The following PACRG variants were observed in gnomAD, a reference collection of about 807,000 sequenced individuals.
PACRG encodes parkin coregulated gene protein.
Under a neutral mutation model 29.7 loss-of-function variants are expected in PACRG, and 29 were observed. The observed-to-expected ratio is 0.98, with a 90% CI of 0.73 to 1.33. The LOEUF is 1.33. Ranked by LOEUF, PACRG falls within the 40% of genes most tolerant of loss-of-function variation. PACRG has a pLI of 0.00. For missense variants in PACRG, 279 were observed against 316.2 expected (o/e 0.88, Z 0.89); for synonymous variants, 116 against 118.7 (o/e 0.98, Z 0.15).
intron 4 of PACRG, among the ~76,000 whole-genome samples, chr6:163,119,619 T>C (rs1052205680): frequency 6.6e-6 from 1 of 152,232 alleles, no homozygotes; most frequent in Admixed American, 6.5e-5. Context: ...TTCATAAATC[T>C]GACCAGATAT....
chr6:162,898,483 T>TA (rs1349325277), intron 2 of PACRG, among the ~76,000 whole-genome samples: 1 of 152,224 alleles, frequency 6.6e-6, no homozygotes, highest in Non-Finnish European at 1.5e-5. Context: ...TAAATACATA[T>TA]AGCCTTTCAG....
chr6:162,919,824 A>G (rs983742328), intron 2 of PACRG, among the ~76,000 whole-genome samples: 11 of 152,220 alleles, frequency 7.2e-5, no homozygotes, highest in African/African-American at 2.7e-4. Context: ...TAAAATGTAA[A>G]ATGTGTTACA....
chr6:162,911,975 C>T (rs1023225367), intron 2 of PACRG, among the ~76,000 whole-genome samples: 1 of 152,204 alleles, frequency 6.6e-6, no homozygotes, highest in African/African-American at 2.4e-5. Context: ...TCTCTCCTCT[C>T]TACTTCCGCT....
At chr6:162,772,426 A>G (rs1783295129) in intron 1 of PACRG, among the ~76,000 whole-genome samples, 1 of 152,238 alleles carries the variant, frequency 6.6e-6, no homozygotes, top group African/African-American at 2.4e-5. Context: ...CAAAGCAAAC[A>G]AAAGTTTTAA....
intron 4 of PACRG, among the ~76,000 whole-genome samples, chr6:163,204,483 A>T (rs1373632318): frequency 6.6e-6 from 1 of 152,188 alleles, no homozygotes; most frequent in Non-Finnish European, 1.5e-5. Flanking sequence ...CCCATCTGTT[A>T]TCCTTGTCCT....
intron 4 of PACRG, among the ~76,000 whole-genome samples, chr6:163,234,222 C>G (rs1017307545): frequency 4.6e-5 from 6 of 130,632 alleles, no homozygotes; most frequent in African/African-American, 1.9e-4. Flanking sequence ...ATTTGATCTG[C>G]AATGTTTGAA....
chr6:163,236,019 A>G (rs1444860768), intron 4 of PACRG, among the ~76,000 whole-genome samples: 1 of 152,126 alleles, frequency 6.6e-6, no homozygotes, highest in Non-Finnish European at 1.5e-5. Flanking sequence ...TACTTGTTAT[A>G]TGACTGATCT....
intron 2 of PACRG, among the ~76,000 whole-genome samples, chr6:162,891,708 C>A (rs1172833913): frequency 6.6e-6 from 1 of 152,088 alleles, no homozygotes; most frequent in Non-Finnish European, 1.5e-5. Flanking sequence ...AGATAAAAGG[C>A]ACCTCTTTGG....
rs1473281663 is a variant in PACRG, at chr6:162,967,095, G to GT, written c.292-95051dup. Reference sequence around the variant, plus strand: ...TATTACACGTTTTATCATACTAAGTGTTTTAAACTGATAATGCTCAAAAGT... The same window carrying GT: ...TATTACACGTTTTATCATACTAAGTGTTTTTAAACTGATAATGCTCAAAAGT... On this transcript the variant is annotated intron_variant, in intron 2 of 4. Transcript: ENST00000366888. Among the ~76,000 whole-genome samples the GT allele has an allele frequency of 2.1e-5, 3 of 144,690 alleles. No homozygotes were observed. In the East Asian group the frequency reaches 6.4e-4, roughly 31 times the overall value. 94.9% of individuals were successfully genotyped at this position (144,690 alleles called of 152,430 possible). A position where few individuals can be genotyped will look rare whatever the true frequency, so the allele number is the denominator to read the frequency against.
chr6:163,120,310 T>C (rs1373351836), intron 4 of PACRG, among the ~76,000 whole-genome samples: 1 of 152,192 alleles, frequency 6.6e-6, no homozygotes, highest in Non-Finnish European at 1.5e-5. Context: ...GGATCTCCCT[T>C]GTTTCCACTG....
chr6:163,149,554 G>C (rs1203040414), intron 4 of PACRG, among the ~76,000 whole-genome samples: 1 of 152,100 alleles, frequency 6.6e-6, no homozygotes, highest in Non-Finnish European at 1.5e-5. Context: ...CGCGTCTCCA[G>C]ACTCCTGGGC....
chr6:163,198,440 ATG>A (rs748626713), intron 4 of PACRG, among the ~76,000 whole-genome samples: 1 of 152,168 alleles, frequency 6.6e-6, no homozygotes, highest in African/African-American at 2.4e-5. Flanking sequence ...AGCACTTTAC[ATG>A]TGTGTGTGTG....
chr6:162,758,522 T>C (rs1562567813), intron 1 of PACRG, among the ~76,000 whole-genome samples: 1 of 152,202 alleles, frequency 6.6e-6, no homozygotes. Context: ...TGTGGTACCA[T>C]TTTTGTAGAT....
intron 1 of PACRG, among the ~76,000 whole-genome samples, chr6:162,786,484 T>A (rs1262073165): frequency 6.6e-6 from 1 of 152,214 alleles, no homozygotes; most frequent in Non-Finnish European, 1.5e-5. Flanking sequence ...CGTGGTGTGG[T>A]TCATAAAAGC....
chr6:162,879,889 A>G (rs1256558015), intron 2 of PACRG, among the ~76,000 whole-genome samples: 2 of 152,204 alleles, frequency 1.3e-5, no homozygotes, highest in African/African-American at 4.8e-5. Flanking sequence ...TTCCTGATAT[A>G]TCTACAAAAC....
intron 1 of PACRG, among the ~76,000 whole-genome samples, chr6:162,745,441 C>T (rs953754783): frequency 1.3e-5 from 2 of 152,058 alleles, no homozygotes; most frequent in African/African-American, 4.8e-5. Context: ...GCATACGGGG[C>T]TTAAAATCTA....
chr6:163,011,305 C>T (rs1326518837), intron 2 of PACRG, among the ~76,000 whole-genome samples: 2 of 152,196 alleles, frequency 1.3e-5, no homozygotes, highest in Non-Finnish European at 2.9e-5. Context: ...CACACCTAGG[C>T]CCTGCGGTGT....
chr6:163,030,826 C>T (rs546881131), intron 2 of PACRG, among the ~76,000 whole-genome samples: 8 of 152,284 alleles, frequency 5.3e-5, no homozygotes, highest in South Asian at 4.1e-4. Flanking sequence ...GCAGTGAGGA[C>T]GACCAGAGGT....
intron 2 of PACRG, among the ~76,000 whole-genome samples, chr6:163,041,398 A>G (rs1808704153): frequency 6.6e-6 from 1 of 152,144 alleles, no homozygotes; most frequent in South Asian, 2.1e-4. Context: ...GTGGGAGGTG[A>G]TTGGATCATG....
Sources: allele counts gnomAD v4.1 joint callset (sites outside exome capture counted in the v4.1 genomes callset), GRCh38; gene constraint gnomAD v4.1.1; transcripts MANE v1.5; gene names NCBI Gene and HGNC (gene_info 2026-07-23, HGNC 2026-07-21).